ACSBG1: variants seen among roughly 807,000 people sequenced by gnomAD.
ACSBG1 encodes acyl-CoA synthetase bubblegum family member 1.
Under a neutral mutation model 80.2 loss-of-function variants are expected in ACSBG1, and 39 were observed. The observed-to-expected ratio is 0.49, with a 90% confidence interval of 0.38 to 0.64. The LOEUF (loss-of-function observed/expected upper bound fraction) is 0.64. Among genes scored for constraint, ACSBG1 ranks in the 30% least tolerant of loss-of-function variants. ACSBG1 has a pLI of 0.00. For synonymous variants in ACSBG1, 392 were observed against 379.5 expected, an observed-to-expected ratio of 1.03 and a Z score of -0.38; for missense variants, 828 against 966.4, an observed-to-expected ratio of 0.86 and a Z score of 1.90.
At chr15:78,193,293 C>T (rs1022550322) in intron 5 of ACSBG1, among the ~76,000 whole-genome samples, 4 of 152,252 alleles carry the variant, frequency 2.6e-5, no homozygotes, top group African/African-American at 9.6e-5. Context: ...CTTATCACCA[C>T]TTCTGGGGCA....
At chr15:78,197,946 C>G (rs1219080353) in intron 2 of ACSBG1, among the ~76,000 whole-genome samples, 2 of 152,118 alleles carry the variant, frequency 1.3e-5, no homozygotes, top group South Asian at 2.1e-4. Flanking sequence ...TCTGTATTCA[C>G]CTGTTCACCC....
intron 2 of ACSBG1, among the ~76,000 whole-genome samples, chr15:78,204,671 G>C (rs972763660): frequency 1.3e-5 from 2 of 152,224 alleles, no homozygotes; most frequent in Non-Finnish European, 2.9e-5. Flanking sequence ...CTGACCCTTG[G>C]AAAGCCTTTC....
intron 2 of ACSBG1, among the ~76,000 whole-genome samples, chr15:78,206,454 G>A (rs562540849): frequency 3.9e-5 from 6 of 152,250 alleles, no homozygotes; most frequent in Middle Eastern, 3.4e-3. Context: ...AAGATTGTCC[G>A]TCTCAGTCTC....
At chr15:78,233,473 T>C (rs2075466034) in intron 1 of ACSBG1, among the ~76,000 whole-genome samples, 1 of 152,174 alleles carries the variant, frequency 6.6e-6, no homozygotes. Context: ...TTAGCCCCTG[T>C]CCTCCCCAGT....
chr15:78,173,858 G>T lies in ACSBG1; in HGVS notation c.1843-19C>A. On this transcript the variant is annotated intron_variant, in intron 12 of 13. Transcript: ENST00000258873. Reference sequence around the variant, plus strand: ...GAGTGCACTGAAAAGCCAGAGATCAGATGAGGACCAAGCCTTACCCAACAA... The same window carrying T: ...GAGTGCACTGAAAAGCCAGAGATCATATGAGGACCAAGCCTTACCCAACAA... The T allele has an allele frequency of 3.7e-6, 6 of 1,611,688 alleles. No homozygotes were observed. The highest frequency in any genetic ancestry group is 5.1e-6 in the Non-Finnish European group (6 of 1,178,824).
Position 78,170,356 on chromosome 15 carries a change from G to A in ACSBG1, c.*1088C>T, listed in dbSNP as rs901643010. 2 of 151,870 alleles carry A rather than the reference G, an allele frequency of 1.3e-5. No individual in the cohort carries two copies. Among genetic ancestry groups the A allele is most frequent in the African/African-American group, 4.8e-5 (2 of 41,316 alleles). The allele number at this position is 151,870 out of a possible 1,614,324, so 9.4% of individuals were successfully genotyped here. ...TTTGCAAAATGTACCCAGGTCACAA[G>A]GGGATTTTTTTTTTTTTAGCAATGA... On this transcript the variant is annotated 3_prime_UTR_variant, in exon 14 of 14. Coordinates refer to ENST00000258873, the MANE Select transcript of ACSBG1 (RefSeq NM_015162.5).
chr15:78,174,334 A>G, intron 12 of ACSBG1, 51 bp downstream of exon 12: 5 of 1,613,340 alleles, frequency 3.1e-6, no homozygotes, highest in African/African-American at 1.3e-5. Flanking sequence ...AGCCAGACCC[A>G]CAGACCCCCT....
rs756805241 is a variant in ACSBG1, at chr15:78,181,975, G to C, written c.1065C>G (p.Ala355=). Residue 355 remains alanine (A), a synonymous_variant, in exon 8 of 14, where the codon GCC becomes GCG. Transcript: ENST00000258873. ...GAQVCFAEPD[A]LKGSLVNTLR... ...ACGGTAAAGGCAGACTGACCTTCAGGGCGTCGGGTTCGGCAAAGCAAACCT... is the reference window on the plus strand; with the variant it reads ...ACGGTAAAGGCAGACTGACCTTCAGCGCGTCGGGTTCGGCAAAGCAAACCT... 1 of 1,613,790 alleles carries C rather than the reference G, an allele frequency of 6.2e-7. No homozygotes were observed. Among genetic ancestry groups the C allele is most frequent in the South Asian group, 1.1e-5 (1 of 91,050 alleles).
At chr15:78,232,252 T>G (rs1466473217) in intron 1 of ACSBG1, among the ~76,000 whole-genome samples, 3 of 152,250 alleles carry the variant, frequency 2.0e-5, no homozygotes, top group Non-Finnish European at 2.9e-5. Context: ...CTATTGAGGC[T>G]CAGAAAGGTT....
intron 1 of ACSBG1, among the ~76,000 whole-genome samples, chr15:78,225,104 T>C (rs1004944375): frequency 9.2e-5 from 14 of 152,126 alleles, no homozygotes; most frequent in Non-Finnish European, 1.6e-4. Context: ...AAATTAAATT[T>C]AAAATACAGT....
intron 5 of ACSBG1, among the ~76,000 whole-genome samples, chr15:78,185,553 T>C (rs1333470619): frequency 3.9e-5 from 6 of 152,302 alleles, no homozygotes; most frequent in African/African-American, 1.4e-4. Flanking sequence ...AATATACATG[T>C]AATTGGAGTC....
At chr15:78,220,587 T>C (rs1242822978) in intron 1 of ACSBG1, among the ~76,000 whole-genome samples, 1 of 152,176 alleles carries the variant, frequency 6.6e-6, no homozygotes, top group Non-Finnish European at 1.5e-5. Flanking sequence ...GGAAATTATA[T>C]CTAGAATATA....
chr15:78,214,134 C>T (rs924635537), intron 1 of ACSBG1, among the ~76,000 whole-genome samples: 2 of 152,198 alleles, frequency 1.3e-5, no homozygotes, highest in Admixed American at 1.3e-4. Flanking sequence ...TTGCGCTGTG[C>T]CTTCTAATAC....
chr15:78,193,797 T>A, intron 4 of ACSBG1, 135 bp downstream of exon 4: 1 of 1,418,696 alleles, frequency 7.0e-7, no homozygotes, highest in Non-Finnish European at 9.6e-7. Flanking sequence ...CAGATGCAGG[T>A]CCACCAGAAG....
chr15:78,185,507 GA>G (rs1375902068), intron 5 of ACSBG1, among the ~76,000 whole-genome samples: 1 of 152,014 alleles, frequency 6.6e-6, no homozygotes, highest in African/African-American at 2.4e-5. Flanking sequence ...AAAAAAAATG[GA>G]AAAAAATTAC....
At chr15:78,228,073 T>C (rs534650858) in intron 1 of ACSBG1, among the ~76,000 whole-genome samples, 79 of 152,346 alleles carry the variant, frequency 5.2e-4, no homozygotes, top group African/African-American at 1.9e-3. Flanking sequence ...ATCTAAATTC[T>C]TATTTTACAG....
At chr15:78,208,601 G>C (rs561353879) in intron 1 of ACSBG1, among the ~76,000 whole-genome samples, 240 of 151,502 alleles carry the variant, frequency 1.6e-3, no homozygotes, top group African/African-American at 5.6e-3. Context: ...GCTCTCAGGG[G>C]TCCTATTCCG....
rs1219257737 is a variant in ACSBG1, at chr15:78,208,121, C to G, written c.132-19G>C. The G allele has an allele frequency of 6.2e-7, 1 of 1,600,742 alleles. No individual in the cohort carries two copies. The highest frequency in any genetic ancestry group is 1.3e-5 in the African/African-American group (1 of 74,636). ...CAGTGAGCTGGGGTGGTGAGGGGAC[C>G]AGGAAAAACATTCATTAGAACGTGG... On this transcript the variant is annotated intron_variant, in intron 1 of 13. Coordinates refer to ENST00000258873, the MANE Select transcript of ACSBG1 (RefSeq NM_015162.5).
chr15:78,229,301 A>T (rs191556033), intron 1 of ACSBG1, among the ~76,000 whole-genome samples: 30 of 152,390 alleles, frequency 2.0e-4, no homozygotes, highest in Non-Finnish European at 4.0e-4. Flanking sequence ...ACAGTAAAGA[A>T]ACAAAAACAT....
Sources: allele counts gnomAD v4.1 joint callset (sites outside exome capture counted in the v4.1 genomes callset), GRCh38; gene constraint gnomAD v4.1.1; transcripts MANE v1.5; gene names NCBI Gene and HGNC (gene_info 2026-07-23, HGNC 2026-07-21).